CCRL2: variants seen among roughly 807,000 people sequenced by gnomAD.
CCRL2 encodes C-C motif chemokine receptor like 2.
For missense variants in CCRL2, 451 were observed against 412.4 expected (o/e 1.09, Z -0.81); for synonymous variants, 181 against 165.6 (o/e 1.09, Z -0.71).
At position 46,409,123 on chromosome 3, in the gene CCRL2, C is replaced by T. The variant is rs373209620; in HGVS notation, c.*9C>T. ...ATTCCACCGAAGTGTAAACTAGCAT[C>T]CACCAAATGCAAGAAGAATAAACAT... On this transcript the variant is annotated 3_prime_UTR_variant, in exon 2 of 2. Coordinates refer to ENST00000399036, the MANE Select transcript of CCRL2 (RefSeq NM_003965.5). 13 of 1,578,926 alleles carry T rather than the reference C, an allele frequency of 8.2e-6. No individual in the cohort carries two copies. Among genetic ancestry groups the T allele is most frequent in the Admixed American group, 1.8e-5 (1 of 55,458 alleles).
At position 46,409,113 on chromosome 3, in the gene CCRL2, A is replaced by C. The variant is rs137877836; in HGVS notation, c.1034A>C (p.Ter345SerextTer10). 729 of 1,597,866 alleles carry C rather than the reference A, an allele frequency of 4.6e-4. 3 individuals carry two copies. The African/African-American group carries it at 9.1e-3, about 20-fold the overall frequency. The change falls in exon 2 of 2, where the codon TAA becomes TCA. Residue 345 changes from the stop codon to serine, a stop_lost. Coordinates refer to ENST00000399036, the MANE Select transcript of CCRL2 (RefSeq NM_003965.5). The part of the protein sequence containing the change: ...REEPDHSTEV[*>S] ...GAACCTGACCATTCCACCGAAGTGT[A>C]AACTAGCATCCACCAAATGCAAGAA...
rs1559580629 is a variant in CCRL2 at position 46,409,054 on chromosome 3, CA to C, written c.976del (p.Arg326GlyfsTer67). The C allele has an allele frequency of 2.5e-6, 4 of 1,614,166 alleles. No individual in the cohort carries two copies. Among genetic ancestry groups the C allele is most frequent in the Non-Finnish European group, 3.4e-6 (4 of 1,180,016 alleles). ...HLRSNTPLQPRGQSAQGTSRE... is the reference protein window; with the variant it reads ...HLRSNTPLQPXGQSAQGTSRE... The stretch of plus-strand genomic sequence containing the variant: ...TGCGTAGTAACACCCCACTTCAACC[CA>C]GGGGGCAGTCTGCACAAGGCACATC... On this transcript the variant is annotated frameshift_variant, in exon 2 of 2. Transcript: ENST00000399036. LOFTEE classifies it low-confidence loss of function (END_TRUNC).
chr3:46,409,144 A>G lies in CCRL2; in HGVS notation c.*30A>G, dbSNP rs1702104692. The stretch of plus-strand genomic sequence containing the variant: ...GCATCCACCAAATGCAAGAAGAATA[A>G]ACATGGATTTTCATCTTTCTGCATT... On this transcript the variant is annotated 3_prime_UTR_variant, in exon 2 of 2. Transcript: ENST00000399036. 7.2e-6 allele frequency: 11 copies of G among 1,527,536 alleles called. No individual in the cohort carries two copies. Among genetic ancestry groups the G allele is most frequent in the Admixed American group, 1.9e-5 (1 of 52,716 alleles). 94.6% of individuals were successfully genotyped at this position (1,527,536 alleles called of 1,614,324 possible).
chr3:46,407,841 C>G (rs1360748157), intron 1 of CCRL2: 3 of 718,986 alleles, frequency 4.2e-6, no homozygotes, highest in African/African-American at 1.8e-5. Flanking sequence ...TGGCACACTG[C>G]TAAGCACTTA....
Position 46,408,816 on chromosome 3 carries a change from T to A in CCRL2, c.737T>A (p.Val246Asp). 2.5e-6 allele frequency: 4 copies of A among 1,614,192 alleles called. No individual in the cohort carries two copies. The highest frequency in any genetic ancestry group is 1.1e-5 in the South Asian group (1 of 91,082). The change falls in exon 2 of 2, where the codon GTC (valine) becomes GAC (aspartate). Residue 246 changes from valine to aspartate, a missense_variant. Val to Asp is a radical substitution (Grantham distance 152, BLOSUM62 -3). Coordinates refer to ENST00000399036, the MANE Select transcript of CCRL2 (RefSeq NM_003965.5). ...AAGCTTGTTTTTGCCATAATGGTAGTCTTCCTTCTGATGTGGGCGCCCTAC... is the reference window on the plus strand; with the variant it reads ...AAGCTTGTTTTTGCCATAATGGTAGACTTCCTTCTGATGTGGGCGCCCTAC... ...LFKLVFAIMV[V>D]FLLMWAPYNI...
chr3:46,408,657 A>G lies in CCRL2; in HGVS notation c.578A>G (p.Glu193Gly). The G allele has an allele frequency of 1.2e-6, 2 of 1,614,214 alleles. No homozygotes were observed. Among genetic ancestry groups the G allele is most frequent in the Middle Eastern group, 1.6e-4 (1 of 6,062 alleles). ...AGAACTCCCTTCCTGCCAGCTGATGAGACATTCTGGAAGCATTTTCTGACT... is the reference window on the plus strand; with the variant it reads ...AGAACTCCCTTCCTGCCAGCTGATGGGACATTCTGGAAGCATTTTCTGACT... ...FSRTPFLPAD[E>G]TFWKHFLTLK... Residue 193 changes from glutamate to glycine, a missense_variant, in exon 2 of 2, where the codon GAG (glutamate) becomes GGG (glycine). Physicochemically the swap from Glu to Gly is moderately conservative, Grantham distance 98 (BLOSUM62 -2). Coordinates refer to ENST00000399036, the MANE Select transcript of CCRL2 (RefSeq NM_003965.5).
chr3:46,407,491 C>A lies in CCRL2; in HGVS notation c.-24C>A. The A allele has an allele frequency of 1.6e-6, 1 of 613,496 alleles. No homozygotes were observed. Among genetic ancestry groups the A allele is most frequent in the South Asian group, 2.0e-5 (1 of 50,754 alleles). 38.0% of individuals were successfully genotyped at this position (613,496 alleles called of 1,614,324 possible). A position where few individuals can be genotyped will look rare whatever the true frequency, so the allele number is the denominator to read the frequency against. ...AGGCTGCGCCCTTCCCCTGCAGGAG[C>A]TCAGCCCAGTGGTAAGTCATCTGTG... On this transcript the variant is annotated 5_prime_UTR_variant, in exon 1 of 2. Transcript: ENST00000399036.
Position 46,408,334 on chromosome 3 carries a change from G to A in CCRL2, c.255G>A (p.Leu85=), listed in dbSNP as rs779624987. ...IYLLNLAVSN[L]CFLLTLPFWA... Reference sequence around the variant, plus strand: ...TTCTAAACTTGGCAGTTTCTAACTTGTGTTTCTTGCTTACCCTGCCCTTCT... The same window carrying A: ...TTCTAAACTTGGCAGTTTCTAACTTATGTTTCTTGCTTACCCTGCCCTTCT... The change falls in exon 2 of 2, where the codon TTG becomes TTA. Residue 85 remains leucine (L), a synonymous_variant. Transcript: ENST00000399036. 1.9e-6 allele frequency: 3 copies of A among 1,614,238 alleles called. No homozygotes were observed. Among genetic ancestry groups the A allele is most frequent in the Admixed American group, 1.7e-5 (1 of 60,034 alleles).
Position 46,409,008 on chromosome 3 carries a change from A to G in CCRL2, c.929A>G (p.Tyr310Cys). Residue 310 changes from tyrosine to cysteine, a missense_variant, in exon 2 of 2, where the codon TAC becomes TGC. Tyr to Cys is a radical substitution (Grantham distance 194). Transcript: ENST00000399036. ...TTTCTTGATGGGACATTTAGCAAAT[A>G]CCTCTGCCGCTGTTTCCATCTGCGT... ...YAFLDGTFSKYLCRCFHLRSN... is the reference protein window; with the variant it reads ...YAFLDGTFSKCLCRCFHLRSN... The G allele has an allele frequency of 6.2e-7, 1 of 1,614,140 alleles. No homozygotes were observed. The highest frequency in any genetic ancestry group is 8.5e-7 in the Non-Finnish European group (1 of 1,180,016).
chr3:46,408,745 A>T lies in CCRL2; in HGVS notation c.666A>T (p.Gln222His), dbSNP rs578086915. ...PLFIFTFLYV[Q>H]MRKTLRFREQ... ...TTATTTTTACATTTCTCTATGTGCA[A>T]ATGAGAAAAACACTAAGGTTCAGGG... The change falls in exon 2 of 2, where the codon CAA (glutamine) becomes CAT (histidine). Residue 222 changes from glutamine to histidine, a missense_variant. Transcript: ENST00000399036. 2.0e-5 allele frequency: 32 copies of T among 1,614,030 alleles called. No individual in the cohort carries two copies. The highest frequency in any genetic ancestry group is 2.7e-5 in the Non-Finnish European group (32 of 1,180,042).
intron 1 of CCRL2, 194 bp downstream of exon 1, chr3:46,407,696 T>G: frequency 6.5e-7 from 1 of 1,542,020 alleles, no homozygotes; most frequent in Non-Finnish European, 8.7e-7. Flanking sequence ...TTCTTAAAAG[T>G]AAGCCATCGT....
At chr3:46,407,618 T>A in intron 1 of CCRL2, 116 bp downstream of exon 1, 1 of 1,463,346 alleles carries the variant, frequency 6.8e-7, no homozygotes, top group Non-Finnish European at 9.3e-7. Context: ...ACGTCTCAGC[T>A]GTCACAGGAA....
chr3:46,408,831 G>A lies in CCRL2; in HGVS notation c.752G>A (p.Trp251Ter). The A allele has an allele frequency of 6.2e-7, 1 of 1,614,090 alleles. No homozygotes were observed. Among genetic ancestry groups the A allele is most frequent in the Non-Finnish European group, 8.5e-7 (1 of 1,180,020 alleles). Residue 251 changes from tryptophan to a stop codon, truncating the protein, a stop_gained, in exon 2 of 2, where the codon TGG (tryptophan) becomes TAG (stop). Coordinates refer to ENST00000399036, the MANE Select transcript of CCRL2 (RefSeq NM_003965.5). LOFTEE classifies it low-confidence loss of function (END_TRUNC). ...ATAATGGTAGTCTTCCTTCTGATGT[G>A]GGCGCCCTACAATATTGCATTTTTC... Reference protein sequence around the residue: ...FAIMVVFLLMWAPYNIAFFLS... With the variant: ...FAIMVVFLLM
Position 46,409,149 on chromosome 3 carries a change from G to A in CCRL2, c.*35G>A. The A allele has an allele frequency of 6.6e-7, 1 of 1,508,106 alleles. No homozygotes were observed. The highest frequency in any genetic ancestry group is 9.0e-7 in the Non-Finnish European group (1 of 1,105,980). The allele number at this position is 1,508,106 out of a possible 1,614,324, so 93.4% of individuals were successfully genotyped here. ...CACCAAATGCAAGAAGAATAAACAT[G>A]GATTTTCATCTTTCTGCATTATTTC... is the stretch of plus-strand genomic sequence containing the variant. On this transcript the variant is annotated 3_prime_UTR_variant, in exon 2 of 2. Coordinates refer to ENST00000399036, the MANE Select transcript of CCRL2 (RefSeq NM_003965.5).
chr3:46,408,445 C>T lies in CCRL2; in HGVS notation c.366C>T (p.Cys122=). The T allele has an allele frequency of 1.2e-6, 2 of 1,614,196 alleles. No individual in the cohort carries two copies. Among genetic ancestry groups the T allele is most frequent in the Non-Finnish European group, 1.7e-6 (2 of 1,180,050 alleles). The change falls in exon 2 of 2, where the codon TGC becomes TGT. Residue 122 remains cysteine, a synonymous_variant. Coordinates refer to ENST00000399036, the MANE Select transcript of CCRL2 (RefSeq NM_003965.5). ...TGTACAGTGAGACATTTTTCAATTGCCTTCTGACTGTGCAAAGGTACCTAG... is the reference window on the plus strand; with the variant it reads ...TGTACAGTGAGACATTTTTCAATTGTCTTCTGACTGTGCAAAGGTACCTAG... ...VGLYSETFFN[C]LLTVQRYLVF...
In CCRL2 at chr3:46,407,434, C is replaced by T. The variant is rs1005611643; in HGVS notation, c.-81C>T. On this transcript the variant is annotated 5_prime_UTR_variant, in exon 1 of 2. Coordinates refer to ENST00000399036, the MANE Select transcript of CCRL2 (RefSeq NM_003965.5). ...AAAGGAGGGCATCCACTGTCCGGGG[C>T]CATTCCCACAGCTCCCGGATGCTGG... 9.1e-6 allele frequency: 5 copies of T among 550,050 alleles called. No individual in the cohort carries two copies. The highest frequency in any genetic ancestry group is 8.0e-5 in the African/African-American group (4 of 49,990). The allele number at this position is 550,050 out of a possible 1,614,324, so 34.1% of individuals were successfully genotyped here.
At position 46,408,108 on chromosome 3, in the gene CCRL2, A is replaced by T; in HGVS notation, c.29A>T (p.Asp10Val). 1.3e-6 allele frequency: 2 copies of T among 1,592,860 alleles called. No individual in the cohort carries two copies. Among genetic ancestry groups the T allele is most frequent in the Non-Finnish European group, 1.7e-6 (2 of 1,168,996 alleles). ...GCCAATTACACGCTGGCACCAGAGG[A>T]TGAATATGATGTCCTCATAGAAGGT... MANYTLAPE[D>V]EYDVLIEGEL... Residue 10 changes from aspartate to valine, a missense_variant, in exon 2 of 2, where the codon GAT becomes GTT. Physicochemically the swap from Asp to Val is radical, Grantham distance 152. Coordinates refer to ENST00000399036, the MANE Select transcript of CCRL2 (RefSeq NM_003965.5).
intron 1 of CCRL2, 164 bp from the exon 2 acceptor site, chr3:46,407,904 G>T: frequency 1.5e-6 from 1 of 680,954 alleles, no homozygotes; most frequent in Non-Finnish European, 2.5e-6. Context: ...GTGGGCACAC[G>T]TTAAAGAAAT....
In CCRL2 at chr3:46,408,388, T is replaced by C. The variant is rs757779971; in HGVS notation, c.309T>C (p.Cys103=). 1 of 1,614,252 alleles carries C rather than the reference T, an allele frequency of 6.2e-7. No homozygotes were observed. Among genetic ancestry groups the C allele is most frequent in the South Asian group, 1.1e-5 (1 of 91,092 alleles). The change falls in exon 2 of 2, where the codon TGT becomes TGC. Residue 103 remains cysteine, a synonymous_variant. Coordinates refer to ENST00000399036, the MANE Select transcript of CCRL2 (RefSeq NM_003965.5). ...FWAHAGGDPM[C]KILIGLYFVG... ...CTCATGCTGGGGGCGATCCCATGTG[T>C]AAAATTCTCATTGGACTGTACTTCG... is the stretch of plus-strand genomic sequence containing the variant.
Sources: gnomAD v4.1 joint callset for allele counts on GRCh38, gnomAD v4.1.1 for gene constraint, MANE v1.5 for transcripts, NCBI Gene and HGNC (gene_info 2026-07-23, HGNC 2026-07-21) for gene names.